Variants in GALNT10 observed in about 807,000 individuals in gnomAD.
GALNT10 encodes the protein GalNAc transferase 10.
Under a neutral mutation model 75.0 loss-of-function variants are expected in GALNT10, and 41 were observed. The observed-to-expected ratio is 0.55, with a 90% CI of 0.43 to 0.71. The LOEUF is 0.71. Among genes scored for constraint, GALNT10 ranks in the 30% least tolerant of loss-of-function variants. GALNT10 has a pLI of 0.00. For synonymous variants in GALNT10, 302 were observed against 313.0 expected (o/e 0.96, Z 0.37); for missense variants, 727 against 818.5 (o/e 0.89, Z 1.36).
rs550880641 is a variant in GALNT10 at position 154,331,093 on chromosome 5, A to G, written c.568+1355A>G. Among the ~76,000 whole-genome samples the G allele has an allele frequency of 8.3e-4, 127 of 152,132 alleles. 2 individuals are homozygous for G. In the South Asian group the frequency reaches 0.025, roughly 30 times the overall value. On this transcript the variant is annotated intron_variant, in intron 4 of 11. Coordinates refer to ENST00000297107, the MANE Select transcript of GALNT10 (RefSeq NM_198321.4). ...AATTAAAATACATATTTGTGTGAACATTGGTGTGTTGTGTGCCTCCCCTAC... is the reference window on the plus strand; with the variant it reads ...AATTAAAATACATATTTGTGTGAACGTTGGTGTGTTGTGTGCCTCCCCTAC...
At chr5:154,322,115 T>C (rs934781085) in intron 3 of GALNT10, among the ~76,000 whole-genome samples, 4 of 152,204 alleles carry the variant, frequency 2.6e-5, no homozygotes, top group African/African-American at 9.7e-5. Flanking sequence ...CTTACAGTTC[T>C]GTAGGTCAGA....
chr5:154,310,448 TTTTTG>T (rs1581967610), intron 3 of GALNT10, among the ~76,000 whole-genome samples: 3 of 97,718 alleles, frequency 3.1e-5, no homozygotes, highest in African/African-American at 1.0e-4. Context: ...TTTGTTTTTT[TTTTTG>T]TTTGTTTGTT....
chr5:154,264,657 A>G (rs552360309), intron 1 of GALNT10, among the ~76,000 whole-genome samples: 1 of 152,322 alleles, frequency 6.6e-6, no homozygotes, highest in African/African-American at 2.4e-5. Context: ...AGGCTAACAC[A>G]TAGTATTTTT....
intron 6 of GALNT10, among the ~76,000 whole-genome samples, chr5:154,385,464 C>A (rs537761371): frequency 6.6e-6 from 1 of 152,288 alleles, no homozygotes; most frequent in South Asian, 2.1e-4. Flanking sequence ...TGCCACCTCC[C>A]CTGAGCCTCA....
Position 154,380,601 on chromosome 5 carries a change from TGCAGAAA to T in GALNT10, c.911_917del (p.Gln304LeufsTer11). On this transcript the variant is annotated frameshift_variant, in exon 6 of 12. Coordinates refer to ENST00000297107, the MANE Select transcript of GALNT10 (RefSeq NM_198321.4). LOFTEE classifies it high-confidence loss of function. The stretch of plus-strand genomic sequence containing the variant: ...AAGCGGATCCCGATCCCTCCAGAAC[TGCAGAAA>T]GCTGACCCCAGCGACCCATTTGAGT... 6.2e-7 allele frequency: 1 copy of T among 1,612,668 alleles called. No individual in the cohort carries two copies. Among genetic ancestry groups the T allele is most frequent in the Non-Finnish European group, 8.5e-7 (1 of 1,179,004 alleles).
chr5:154,388,052 C>G (rs1377158986), intron 7 of GALNT10: 14 of 151,878 alleles, frequency 9.2e-5, no homozygotes, highest in African/African-American at 3.4e-4. Flanking sequence ...CTACAGGCGC[C>G]CACCACCACG....
intron 1 of GALNT10, among the ~76,000 whole-genome samples, chr5:154,274,191 A>G (rs959235938): frequency 2.6e-5 from 4 of 152,182 alleles, no homozygotes; most frequent in African/African-American, 7.2e-5. Flanking sequence ...GAGGACAGGA[A>G]ACAGGTCAAC....
In GALNT10 at chr5:154,412,978, TG is replaced by T; in HGVS notation, c.1480del (p.Glu494ArgfsTer48). On this transcript the variant is annotated frameshift_variant, in exon 10 of 12. Transcript: ENST00000297107. LOFTEE classifies it high-confidence loss of function. The surrounding 1 kb of genome is among the most constrained non-coding windows in gnomAD (Gnocchi z 4.2). The part of the protein sequence containing the change: ...LRLEGCVRGR[G>X]EAAWNNMQVF... ...GGCTAGAGGGCTGCGTCCGAGGCCG[TG>T]GGGAGGCTGCCTGGAACAACATGCA... 3 of 1,612,194 alleles carry T rather than the reference TG, an allele frequency of 1.9e-6. No individual in the cohort carries two copies. Among genetic ancestry groups the T allele is most frequent in the Non-Finnish European group, 2.5e-6 (3 of 1,178,816 alleles).
At chr5:154,258,069 G>A (rs1753643679) in intron 1 of GALNT10, among the ~76,000 whole-genome samples, 1 of 152,178 alleles carries the variant, frequency 6.6e-6, no homozygotes, top group African/African-American at 2.4e-5. Flanking sequence ...AGGAAGGACT[G>A]TAATTTTTAT....
At chr5:154,337,392 T>C in intron 4 of GALNT10, 1 of 575,348 alleles carries the variant, frequency 1.7e-6, no homozygotes, top group East Asian at 3.7e-5. Context: ...AGTTCACAAA[T>C]CTGATATAAC....
chr5:154,354,678 G>C (rs550160748), intron 4 of GALNT10, among the ~76,000 whole-genome samples: 1 of 152,038 alleles, frequency 6.6e-6, no homozygotes, highest in Admixed American at 6.6e-5. Flanking sequence ...GCATTCGGGT[G>C]GGGGGGTATC....
chr5:154,251,593 T>C (rs897911103), intron 1 of GALNT10, among the ~76,000 whole-genome samples: 1 of 152,200 alleles, frequency 6.6e-6, no homozygotes, highest in Non-Finnish European at 1.5e-5. Context: ...TTACATCTTC[T>C]GGTATTTTAT....
intron 1 of GALNT10, among the ~76,000 whole-genome samples, chr5:154,197,830 T>C (rs1182178027): frequency 6.6e-6 from 1 of 152,200 alleles, no homozygotes; most frequent in African/African-American, 2.4e-5. Flanking sequence ...AGGAGGGAAC[T>C]GAAGCTCGAA....
chr5:154,415,363 A>T (rs1232277503), intron 10 of GALNT10, among the ~76,000 whole-genome samples: 2 of 151,654 alleles, frequency 1.3e-5, no homozygotes, highest in Non-Finnish European at 2.9e-5. Flanking sequence ...TTTGAGACAG[A>T]GTCTCACTCT....
intron 4 of GALNT10, among the ~76,000 whole-genome samples, chr5:154,334,463 C>T (rs79333002): frequency 0.041 from 6,169 of 152,280 alleles, 145 homozygotes; most frequent in Middle Eastern, 0.11. Flanking sequence ...GACCTGTCCC[C>T]GGGTTGCACT....
intron 8 of GALNT10, among the ~76,000 whole-genome samples, chr5:154,405,102 G>T (rs1756245854): frequency 1.3e-5 from 2 of 152,188 alleles, no homozygotes; most frequent in South Asian, 4.1e-4. Flanking sequence ...TCCCTCCGGG[G>T]AGCCTGTGAG....
chr5:154,300,050 G>A (rs1754338070), intron 3 of GALNT10, among the ~76,000 whole-genome samples: 2 of 152,180 alleles, frequency 1.3e-5, no homozygotes, highest in South Asian at 4.1e-4. Flanking sequence ...TGCCTAGGCT[G>A]GTTTTGAACT....
intron 1 of GALNT10, among the ~76,000 whole-genome samples, chr5:154,228,086 CT>C (rs1205952814): frequency 6.6e-6 from 1 of 152,204 alleles, no homozygotes; most frequent in African/African-American, 2.4e-5. Flanking sequence ...CCTACTTCAC[CT>C]TCCACCATGA....
chr5:154,359,840 C>T (rs757207312), intron 4 of GALNT10, among the ~76,000 whole-genome samples: 1 of 151,564 alleles, frequency 6.6e-6, no homozygotes, highest in African/African-American at 2.4e-5. Context: ...ACCCCATCTT[C>T]CCTCCCAAGA....
Sources: allele counts gnomAD v4.1 joint callset (sites outside exome capture counted in the v4.1 genomes callset), GRCh38; gene constraint gnomAD v4.1.1; non-coding constraint Gnocchi (gnomAD v3.1); transcripts MANE v1.5; gene names NCBI Gene and HGNC (gene_info 2026-07-23, HGNC 2026-07-21).